Variants in BICD1 observed in about 807,000 individuals in gnomAD.
The protein encoded by BICD1 is protein bicaudal D homolog 1.
In BICD1, 35 loss-of-function variants were observed where a neutral mutation model predicts 92.5. The ratio of observed to expected loss-of-function variants is 0.38; its 90% CI spans 0.29 to 0.50. BICD1 has a LOEUF of 0.50. Among genes scored for constraint, BICD1 ranks in the 20% least tolerant of loss-of-function variants. BICD1 has a pLI of 0.93. For synonymous variants in BICD1, 429 were observed against 465.1 expected, an observed-to-expected ratio of 0.92 and a Z score of 1.00; for missense variants, 950 against 1,189.8, an observed-to-expected ratio of 0.80 and a Z score of 2.97.
At chr12:32,351,487 C>CAAAAAAAAAAAAAAAAAAA (rs35002678) in intron 8 of BICD1, among the ~76,000 whole-genome samples, 1 of 57,226 alleles carries the variant, frequency 1.7e-5, no homozygotes, top group African/African-American at 7.5e-5. Context: ...GACTCTGTCT[C>CAAAAAAAAAAAAAAAAAAA]AAAAAAAAAA....
intron 2 of BICD1, among the ~76,000 whole-genome samples, chr12:32,257,145 G>A (rs1441166019): frequency 4.0e-5 from 6 of 148,620 alleles, no homozygotes; most frequent in South Asian, 4.3e-4. Context: ...CCGGGGAGGC[G>A]GAGGTTGCAG....
Position 32,178,462 on chromosome 12 carries a change from GGC to G in BICD1, c.214-37784_214-37783del, listed in dbSNP as rs376737874. Among the ~76,000 whole-genome samples the G allele has an allele frequency of 5.1e-4, 77 of 152,072 alleles. 3 individuals are homozygous for G. In the East Asian group the frequency reaches 6.8e-3, roughly 13 times the overall value. On this transcript the variant is annotated intron_variant, in intron 1 of 9. Transcript: ENST00000652176. ...GGTGCCTACCTTTTGCAGCTGAACA[GGC>G]TCGGCCCCAGTTCTTGCTGGGTTCT...
intron 2 of BICD1, among the ~76,000 whole-genome samples, chr12:32,285,508 G>A (rs547348047): frequency 2.9e-4 from 44 of 152,240 alleles, no homozygotes; most frequent in Middle Eastern, 3.4e-3. Flanking sequence ...ACTCTGTGTG[G>A]TGACAAGCGT....
rs552013540 is a variant in BICD1 at position 32,311,447 on chromosome 12, C to T, written c.1005+5325C>T. Among the ~76,000 whole-genome samples the T allele has an allele frequency of 2.1e-4, 32 of 152,144 alleles. 1 individual carries two copies. The South Asian group carries it at 6.0e-3, about 29-fold the overall frequency. On this transcript the variant is annotated intron_variant, in intron 4 of 9. Transcript: ENST00000652176. ...CCAGGAGGCGGAGGTTGCAGTGAGC[C>T]GAGATCGCGCCACTGCACTCCAGCC...
At chr12:32,317,743 T>G (rs914967000) in intron 4 of BICD1, among the ~76,000 whole-genome samples, 2 of 152,294 alleles carry the variant, frequency 1.3e-5, no homozygotes, top group Admixed American at 1.3e-4. Context: ...ATTTTGGCTT[T>G]TGTTGCCATT....
chr12:32,341,516 C>A (rs1409766942), intron 8 of BICD1, among the ~76,000 whole-genome samples: 1 of 150,888 alleles, frequency 6.6e-6, no homozygotes. Context: ...AGAATAATCA[C>A]CAGACCAGAA....
chr12:32,107,728 A>G (rs1565518364), intron 1 of BICD1, 184 bp downstream of exon 1: 1 of 782,722 alleles, frequency 1.3e-6, no homozygotes, highest in African/African-American at 1.7e-5. Context: ...AAAATTGCCT[A>G]AGAAATGAAT....
At chr12:32,139,589 A>G (rs1190676530) in intron 1 of BICD1, among the ~76,000 whole-genome samples, 1 of 152,278 alleles carries the variant, frequency 6.6e-6, no homozygotes, top group East Asian at 1.9e-4. Context: ...TTTGAGACGG[A>G]GTCTCGCTCT....
chr12:32,108,049 T>C (rs1397451600), intron 1 of BICD1: 4 of 288,178 alleles, frequency 1.4e-5, no homozygotes, highest in African/African-American at 6.5e-5. Context: ...TGACAAAGGC[T>C]AGGCAATCTT....
intron 9 of BICD1, among the ~76,000 whole-genome samples, chr12:32,372,305 C>G (rs1463819646): frequency 6.6e-6 from 1 of 152,046 alleles, no homozygotes; most frequent in African/African-American, 2.4e-5. Flanking sequence ...TATGGTGAAA[C>G]GGCATCTCTA....
chr12:32,285,382 G>A (rs537234424), intron 2 of BICD1, among the ~76,000 whole-genome samples: 1 of 152,188 alleles, frequency 6.6e-6, no homozygotes, highest in Non-Finnish European at 1.5e-5. Context: ...GTAAACAGGG[G>A]TTTGTTACCC....
At chr12:32,333,363 A>G (rs1405357582) in intron 5 of BICD1, 6 of 835,664 alleles carry the variant, frequency 7.2e-6, no homozygotes, top group Non-Finnish European at 7.2e-6. Context: ...TTTAAATCCA[A>G]TCAAAACTCA....
chr12:32,334,382 A>G, intron 5 of BICD1, 134 bp from the exon 6 acceptor site: 2 of 933,494 alleles, frequency 2.1e-6, no homozygotes, highest in Non-Finnish European at 3.0e-6. Context: ...GCGCATACCT[A>G]TGTTTATATA....
intron 6 of BICD1, among the ~76,000 whole-genome samples, chr12:32,336,407 A>G (rs1003110557): frequency 6.6e-6 from 1 of 152,218 alleles, no homozygotes; most frequent in Non-Finnish European, 1.5e-5. Context: ...CTGTATCTGT[A>G]TGAAACCTTG....
At chr12:32,251,534 A>G (rs1024643192) in intron 2 of BICD1, among the ~76,000 whole-genome samples, 12 of 151,988 alleles carry the variant, frequency 7.9e-5, no homozygotes, top group African/African-American at 2.7e-4. Context: ...CACTATTAAC[A>G]CTCATATATT....
At chr12:32,374,766 TA>T (rs1939872669) in intron 9 of BICD1, among the ~76,000 whole-genome samples, 1 of 135,174 alleles carries the variant, frequency 7.4e-6, no homozygotes, top group Non-Finnish European at 1.6e-5. Flanking sequence ...TTTGTATTTT[TA>T]GTAGAGACAG....
chr12:32,181,619 C>G (rs1014909052), intron 1 of BICD1, among the ~76,000 whole-genome samples: 13 of 151,794 alleles, frequency 8.6e-5, no homozygotes, highest in Admixed American at 8.6e-4. Flanking sequence ...ATCTTATGCT[C>G]TATATGAAGG....
chr12:32,128,644 A>G (rs1942427234), intron 1 of BICD1, among the ~76,000 whole-genome samples: 1 of 152,190 alleles, frequency 6.6e-6, no homozygotes, highest in African/African-American at 2.4e-5. Flanking sequence ...GCTTAGTTTT[A>G]AACCAAAATT....
chr12:32,123,380 T>G (rs2121245265), intron 1 of BICD1, among the ~76,000 whole-genome samples: 1 of 152,350 alleles, frequency 6.6e-6, no homozygotes, highest in South Asian at 2.1e-4. Context: ...CACAATGTTC[T>G]GCACTTTTTC....
Sources: allele counts gnomAD v4.1 joint callset (sites outside exome capture counted in the v4.1 genomes callset), GRCh38; gene constraint gnomAD v4.1.1; transcripts MANE v1.5; gene names NCBI Gene and HGNC (gene_info 2026-07-23, HGNC 2026-07-21).